Variants in AIMP2 observed in about 807,000 individuals in gnomAD.
The protein encoded by AIMP2 is aminoacyl tRNA synthetase complex interacting multifunctional protein 2.
AIMP2 carries 20 observed loss-of-function variants against 23.4 expected under a neutral mutation model. That is an observed-to-expected ratio of 0.85 (90% CI 0.60 to 1.24). The LOEUF (loss-of-function observed/expected upper bound fraction) is 1.24, where lower values mean the gene tolerates loss of function less well. Ranked by LOEUF, AIMP2 falls within the 50% of genes most tolerant of loss-of-function variation. The pLI, the probability that AIMP2 is intolerant of heterozygous loss-of-function variation, is 0.00. For missense variants in AIMP2, 515 were observed against 414.5 expected (o/e 1.24, Z -2.10); for synonymous variants, 210 against 170.4 (o/e 1.23, Z -1.81).
intron 2 of AIMP2, among the ~76,000 whole-genome samples, chr7:6,015,806 T>C (rs1786995821): frequency 6.6e-6 from 1 of 152,274 alleles, no homozygotes; most frequent in Non-Finnish European, 1.5e-5. Context: ...TAAATGAGTG[T>C]GCCTTTGCAC....
Position 6,023,504 on chromosome 7 carries a change from T to C in AIMP2, c.776T>C (p.Met259Thr), listed in dbSNP as rs1250422075. Residue 259 changes from methionine (M) to threonine (T), a missense_variant, in exon 4 of 4, where the codon ATG becomes ACG. By Grantham distance (81) the Met-to-Thr change is moderately conservative. Coordinates refer to ENST00000223029, the MANE Select transcript of AIMP2 (RefSeq NM_006303.4). ...GAAAAAGCCGCTGTTTTCCGCTCCA[T>C]GAACTCTGCTCTTGGGAAGAGCCCT... ...SKEKAAVFRSMNSALGKSPWL... is the reference protein window; with the variant it reads ...SKEKAAVFRSTNSALGKSPWL... 18 of 1,614,094 alleles carry C rather than the reference T, an allele frequency of 1.1e-5. No individual in the cohort carries two copies. Among genetic ancestry groups the C allele is most frequent in the Non-Finnish European group, 1.4e-5 (17 of 1,180,042 alleles).
Position 6,015,357 on chromosome 7 carries a change from G to A in AIMP2, c.342+5G>A, listed in dbSNP as rs780796147. 1 of 1,613,924 alleles carries A rather than the reference G, an allele frequency of 6.2e-7. No homozygotes were observed. The highest frequency in any genetic ancestry group is 8.5e-7 in the Non-Finnish European group (1 of 1,179,892). On this transcript the variant is annotated splice_donor_5th_base_variant and intron_variant, in intron 2 of 3. Transcript: ENST00000223029. ...TTGAATTCAGTGCTTGGGAAGGTAG[G>A]TTCGTTTTGAAAGCTGAAACGTTAG...
chr7:6,014,843 C>G, intron 1 of AIMP2: 1 of 334,478 alleles, frequency 3.0e-6, no homozygotes, highest in Non-Finnish European at 5.5e-6. Flanking sequence ...CCTCACCCTC[C>G]CGAGTAGCTG....
At position 6,009,513 on chromosome 7, in the gene AIMP2, C is replaced by G; in HGVS notation, c.135+15C>G. ...GCCACGTGCAGGTAGGAGCGCGGGG[C>G]CCCCCGCCCAGTGCGCACGCGCGGC... is the stretch of plus-strand genomic sequence containing the variant. On this transcript the variant is annotated intron_variant, in intron 1 of 3. Transcript: ENST00000223029. 4 of 1,467,098 alleles carry G rather than the reference C, an allele frequency of 2.7e-6. No homozygotes were observed. Among genetic ancestry groups the G allele is most frequent in the Non-Finnish European group, 3.6e-6 (4 of 1,115,226 alleles). 90.9% of individuals were successfully genotyped at this position (1,467,098 alleles called of 1,614,324 possible). A position where few individuals can be genotyped will look rare whatever the true frequency, so the allele number is the denominator to read the frequency against.
chr7:6,010,109 A>G (rs543583156), intron 1 of AIMP2, among the ~76,000 whole-genome samples: 2 of 150,616 alleles, frequency 1.3e-5, no homozygotes, highest in East Asian at 1.9e-4. Flanking sequence ...TCAGCAACAT[A>G]GCGAGACCCT....
intron 2 of AIMP2, 82 bp from the exon 3 acceptor site, chr7:6,017,732 T>C: frequency 7.1e-6 from 9 of 1,263,544 alleles, no homozygotes; most frequent in Non-Finnish European, 9.9e-6. Context: ...TAGATAACCC[T>C]GGTTAGGTTC....
At position 6,009,974 on chromosome 7, in the gene AIMP2, A is replaced by AAAAAATATACATATATATAT; in HGVS notation, c.135+477_135+478insAAAATATACATATATATATA. Among the ~76,000 whole-genome samples, 42 of 26,672 alleles carry AAAAAATATACATATATATAT rather than the reference A, an allele frequency of 1.6e-3. 7 individuals are homozygous for AAAAAATATACATATATATAT. Among genetic ancestry groups the AAAAAATATACATATATATAT allele is most frequent in the African/African-American group, 5.6e-3 (40 of 7,144 alleles). 17.5% of individuals were successfully genotyped at this position (26,672 alleles called of 152,430 possible). On this transcript the variant is annotated intron_variant, in intron 1 of 3. Transcript: ENST00000223029. Reference sequence around the variant, plus strand: ...CAAAAAAAAAAAAAAAAAAAAAAAAAATATATATATATATATATGTATGTA... The same window carrying AAAAAATATACATATATATAT: ...CAAAAAAAAAAAAAAAAAAAAAAAAAAAAAATATACATATATATATATATATATATATATATATGTATGTA...
chr7:6,011,921 C>G (rs1168516748), intron 1 of AIMP2, among the ~76,000 whole-genome samples: 1 of 152,154 alleles, frequency 6.6e-6, no homozygotes, highest in African/African-American at 2.4e-5. Flanking sequence ...CTAGCAGTTT[C>G]TCTAGGAGGT....
intron 3 of AIMP2, among the ~76,000 whole-genome samples, chr7:6,021,338 C>CAAAAAAA (rs563523048): frequency 1.5e-5 from 1 of 65,954 alleles, no homozygotes; most frequent in Non-Finnish European, 2.9e-5. Context: ...GACTCCATCT[C>CAAAAAAA]AAAAAAAAAA....
At position 6,021,373 on chromosome 7, in the gene AIMP2, A is replaced by C. The variant is rs537653297; in HGVS notation, c.575-1930A>C. Among the ~76,000 whole-genome samples the C allele has an allele frequency of 2.0e-5, 3 of 151,040 alleles. No individual in the cohort carries two copies. The East Asian group carries it at 5.9e-4, about 30-fold the overall frequency. ...AAAAAAAAAAAAGAGAACCCTGATT[A>C]GAACATCTTGAAGAGTCTGGAAGGA... is the stretch of plus-strand genomic sequence containing the variant. On this transcript the variant is annotated intron_variant, in intron 3 of 3. Coordinates refer to ENST00000223029, the MANE Select transcript of AIMP2 (RefSeq NM_006303.4).
chr7:6,017,990 TAAA>T lies in AIMP2; in HGVS notation c.523_525del (p.Lys175del). 1 of 1,610,820 alleles carries T rather than the reference TAAA, an allele frequency of 6.2e-7. No individual in the cohort carries two copies. Among genetic ancestry groups the T allele is most frequent in the Non-Finnish European group, 8.5e-7 (1 of 1,177,716 alleles). ...TTCTCAAGTGCTTTGGAGAACAGAA[TAAA>T]AAACAGCCCCGCCAAGACTATCAGC... On this transcript the variant is annotated inframe_deletion, in exon 3 of 4. Coordinates refer to ENST00000223029, the MANE Select transcript of AIMP2 (RefSeq NM_006303.4).
At chr7:6,014,250 C>CTTTTTTTTTTTTTTTTT (rs57008315) in intron 1 of AIMP2, among the ~76,000 whole-genome samples, 1 of 67,540 alleles carries the variant, frequency 1.5e-5, no homozygotes, top group Non-Finnish European at 2.6e-5. Context: ...TTTGTTGAAG[C>CTTTTTTTTTTTTTTTTT]TTTTTTTTTT....
intron 1 of AIMP2, chr7:6,012,995 G>A: frequency 1.0e-6 from 1 of 961,636 alleles, no homozygotes; most frequent in Non-Finnish European, 1.2e-6. Context: ...AGGTAAATAG[G>A]AGTTAAGCAA....
chr7:6,019,832 G>A (rs911817530), intron 3 of AIMP2, among the ~76,000 whole-genome samples: 15 of 151,964 alleles, frequency 9.9e-5, no homozygotes, highest in African/African-American at 3.1e-4. Context: ...GATTATCCTG[G>A]CCAACATGGT....
At chr7:6,013,738 A>G (rs1489326829) in intron 1 of AIMP2, among the ~76,000 whole-genome samples, 2 of 152,152 alleles carry the variant, frequency 1.3e-5, no homozygotes, top group Non-Finnish European at 2.9e-5. Flanking sequence ...GCTTGAGGAC[A>G]GGAGTTTGAG....
intron 1 of AIMP2, chr7:6,012,690 G>C (rs1786765952): frequency 4.8e-6 from 2 of 420,388 alleles, no homozygotes; most frequent in Non-Finnish European, 8.9e-6. Context: ...CTCTCCAGTA[G>C]CTGGGATTAC....
intron 3 of AIMP2, among the ~76,000 whole-genome samples, chr7:6,021,505 T>C (rs867888006): frequency 6.6e-6 from 1 of 152,064 alleles, no homozygotes; most frequent in African/African-American, 2.4e-5. Flanking sequence ...CGTGACTTCA[T>C]AGGATTTACG....
chr7:6,013,884 A>C (rs1786853458), intron 1 of AIMP2, among the ~76,000 whole-genome samples: 1 of 151,950 alleles, frequency 6.6e-6, no homozygotes, highest in Non-Finnish European at 1.5e-5. Context: ...CCAGGAAGTC[A>C]AGGCTGCAGT....
At position 6,023,488 on chromosome 7, in the gene AIMP2, G is replaced by A. The variant is rs767430426; in HGVS notation, c.760G>A (p.Ala254Thr). 43 of 1,614,120 alleles carry A rather than the reference G, an allele frequency of 2.7e-5. No individual in the cohort carries two copies. The Middle Eastern group carries it at 4.9e-4, about 19-fold the overall frequency. ...LKEGSSKEKA[A>T]VFRSMNSALG... ...AGAGGGAAGCAGTAAAGAAAAAGCC[G>A]CTGTTTTCCGCTCCATGAACTCTGC... The change falls in exon 4 of 4, where the codon GCT becomes ACT. Residue 254 changes from alanine (A) to threonine (T), a missense_variant. Ala to Thr is a moderately conservative substitution (Grantham distance 58). Coordinates refer to ENST00000223029, the MANE Select transcript of AIMP2 (RefSeq NM_006303.4).
Sources: allele counts gnomAD v4.1 joint callset (sites outside exome capture counted in the v4.1 genomes callset), GRCh38; gene constraint gnomAD v4.1.1; transcripts MANE v1.5; gene names NCBI Gene and HGNC (gene_info 2026-07-23, HGNC 2026-07-21).